Variants in MPG observed in about 807,000 individuals in gnomAD.
The protein encoded by MPG is DNA-3-methyladenine glycosylase.
A neutral mutation model predicts 31.7 loss-of-function variants in MPG; 33 were observed. The observed-to-expected ratio is 1.04, with a 90% confidence interval of 0.79 to 1.39. MPG has a LOEUF of 1.39. Ranked by LOEUF, MPG falls within the 40% of genes most tolerant of loss-of-function variation. The pLI is 0.00. For synonymous variants in MPG, 202 were observed against 169.2 expected (o/e 1.19, Z -1.51); for missense variants, 455 against 415.5 (o/e 1.10, Z -0.83).
chr16:79,272 T>A (rs1474125224), intron 1 of MPG, 153 bp from the exon 2 acceptor site: 2 of 1,564,082 alleles, frequency 1.3e-6, no homozygotes, highest in African/African-American at 2.7e-5. Context: ...AGGGTGTTTG[T>A]GCCTCATAAC....
chr16:84,292 C>T (rs558722557), intron 3 of MPG: 1 of 152,388 alleles, frequency 6.6e-6, no homozygotes, highest in African/African-American at 2.4e-5. Context: ...TGGATTTTAT[C>T]TTGAAATACT....
intron 3 of MPG, 162 bp downstream of exon 3, chr16:83,418 G>A (rs1341121931): frequency 1.4e-6 from 1 of 735,608 alleles, no homozygotes; most frequent in South Asian, 1.8e-5. Flanking sequence ...CGCTGACGGG[G>A]CAGGGCTGGT....
chr16:82,888 A>C (rs1237413037), intron 2 of MPG, among the ~76,000 whole-genome samples, 164 bp from the exon 3 acceptor site: 2 of 152,140 alleles, frequency 1.3e-5, no homozygotes, highest in African/African-American at 4.8e-5. Context: ...ATTCAGCCTC[A>C]GCAGGAGCAA....
chr16:83,614 T>A (rs2858049), intron 3 of MPG, among the ~76,000 whole-genome samples: 113,880 of 151,892 alleles, frequency 0.75, 44,516 homozygotes, highest in South Asian at 0.88. Context: ...GGTAGTGGGC[T>A]CCTGTAATCC....
rs776775132 is a variant in MPG, at chr16:85,706, C to T, written c.811C>T (p.Arg271Cys). The change falls in exon 4 of 4, where the codon CGC becomes TGC. Residue 271 changes from arginine to cysteine, a missense_variant. By Grantham distance (180) the Arg-to-Cys change is radical. Transcript: ENST00000356432. Reference protein sequence around the residue: ...HAGEWARKPLRFYVRGSPWVS... With the variant: ...HAGEWARKPLCFYVRGSPWVS... ...AGGGGAGTGGGCCCGGAAACCCCTC[C>T]GCTTCTATGTCCGGGGCAGCCCCTG... 12 of 1,539,552 alleles carry T rather than the reference C, an allele frequency of 7.8e-6. No individual in the cohort carries two copies. The highest frequency in any genetic ancestry group is 5.5e-5 in the African/African-American group (4 of 73,106).
intron 3 of MPG, among the ~76,000 whole-genome samples, 181 bp from the exon 4 acceptor site, chr16:85,220 G>A (rs1216568848): frequency 6.6e-6 from 1 of 152,234 alleles, no homozygotes; most frequent in Non-Finnish European, 1.5e-5. Flanking sequence ...TGGACACAGT[G>A]AGGTGCAGCC....
At chr16:79,771 G>A (rs895147189) in intron 2 of MPG, 71 bp downstream of exon 2, 94 of 1,478,068 alleles carry the variant, frequency 6.4e-5, no homozygotes, top group African/African-American at 8.4e-5. Flanking sequence ...ACCCCTGTCC[G>A]CTGCCTGCTG....
rs751461082 is a variant in MPG at position 83,325 on chromosome 16, A to G, written c.505+69A>G. 4.1e-6 allele frequency: 6 copies of G among 1,455,654 alleles called. No individual in the cohort carries two copies. In the Admixed American group the frequency reaches 5.3e-5, roughly 13 times the overall value. 90.2% of individuals were successfully genotyped at this position (1,455,654 alleles called of 1,614,324 possible). A position where few individuals can be genotyped will look rare whatever the true frequency, so the allele number is the denominator to read the frequency against. On this transcript the variant is annotated intron_variant, in intron 3 of 3. Transcript: ENST00000356432. Reference sequence around the variant, plus strand: ...CCTGTCCGCTAGCAGCCAGGGGACCACTAGGAGGACTGAGGTGGGGCCAGC... The same window carrying G: ...CCTGTCCGCTAGCAGCCAGGGGACCGCTAGGAGGACTGAGGTGGGGCCAGC...
chr16:78,207 C>T, upstream of MPG: 1 of 1,109,160 alleles, frequency 9.0e-7, no homozygotes, highest in Non-Finnish European at 1.2e-6. Context: ...CCCTTCTGCG[C>T]AGGCGCCGCT....
intron 2 of MPG, 65 bp downstream of exon 2, chr16:79,765 C>CT (rs1376286787): frequency 2.0e-6 from 3 of 1,492,786 alleles, no homozygotes; most frequent in African/African-American, 1.4e-5. Context: ...CCCTGAACCC[C>CT]TGTCCGCTGC....
At chr16:83,930 C>T (rs1455105535) in intron 3 of MPG, among the ~76,000 whole-genome samples, 1 of 151,902 alleles carries the variant, frequency 6.6e-6, no homozygotes, top group East Asian at 1.9e-4. Context: ...GTGGGCACAG[C>T]AGGGGGACTT....
Position 83,014 on chromosome 16 carries a change from A to G in MPG, c.301-38A>G, listed in dbSNP as rs748708071. The G allele has an allele frequency of 1.5e-5, 22 of 1,495,858 alleles. 1 individual carries two copies. In the South Asian group the frequency reaches 1.9e-4, roughly 13 times the overall value. 92.7% of individuals were successfully genotyped at this position (1,495,858 alleles called of 1,614,324 possible). On this transcript the variant is annotated intron_variant, in intron 2 of 3. Transcript: ENST00000356432. ...GCACTGTTAGGGTGAGTGGACCCCC[A>G]TCCCTTCCCGCCCTGAGCAGAAACT...
rs1898442194 is a variant in MPG at position 85,831 on chromosome 16, T to TTTTA, written c.*58_*61dup. 2.8e-6 allele frequency: 4 copies of TTTTA among 1,430,166 alleles called. No individual in the cohort carries two copies. In the East Asian group the frequency reaches 1.0e-4, roughly 36 times the overall value. 88.6% of individuals were successfully genotyped at this position (1,430,166 alleles called of 1,614,324 possible). A position where few individuals can be genotyped will look rare whatever the true frequency, so the allele number is the denominator to read the frequency against. On this transcript the variant is annotated 3_prime_UTR_variant, in exon 4 of 4. Transcript: ENST00000356432. The stretch of plus-strand genomic sequence containing the variant: ...TAATTGTTTAAAAACCGAATAAATG[T>TTTTA]TTTATTTCTAGAAAACTGTGCCTTA...
upstream of MPG, among the ~76,000 whole-genome samples, chr16:77,542 G>C (rs1023997738): frequency 1.3e-5 from 2 of 152,214 alleles, no homozygotes; most frequent in African/African-American, 4.8e-5. Context: ...TCTAGAGGAG[G>C]CTGCCTGCGC....
rs1276352089 is a variant in MPG at position 85,449 on chromosome 16, T to C, written c.554T>C (p.Leu185Pro). ...LLRALEPLEG[L>P]ETMRQLRSTL... Reference sequence around the variant, plus strand: ...CGAGCACTGGAGCCCCTGGAAGGTCTGGAGACCATGCGTCAGCTTCGCAGC... The same window carrying C: ...CGAGCACTGGAGCCCCTGGAAGGTCCGGAGACCATGCGTCAGCTTCGCAGC... Residue 185 changes from leucine to proline, a missense_variant, in exon 4 of 4, where the codon CTG (leucine) becomes CCG (proline). Transcript: ENST00000356432. 1.9e-6 allele frequency: 3 copies of C among 1,612,826 alleles called. No homozygotes were observed. The Admixed American group carries it at 5.0e-5, about 27-fold the overall frequency.
upstream of MPG, chr16:78,183 TC>T: frequency 1.2e-6 from 1 of 866,952 alleles, no homozygotes; most frequent in South Asian, 3.4e-5. Context: ...GCCCCCCTTC[TC>T]CCGGCTTCCG....
rs987937485 is a variant in MPG at position 78,241 on chromosome 16, C to A, written c.-69C>A. ...CTCCGCCCCGGTCCTAGGGGTGCTT[C>A]CGTGGTCGGCGGCTGCTGGGCTCCG... On this transcript the variant is annotated 5_prime_UTR_variant, in exon 1 of 4. Coordinates refer to ENST00000356432, the MANE Select transcript of MPG (RefSeq NM_001015052.3). 19 of 1,353,228 alleles carry A rather than the reference C, an allele frequency of 1.4e-5. No homozygotes were observed. The highest frequency in any genetic ancestry group is 6.2e-5 in the Admixed American group (2 of 32,290). The allele number at this position is 1,353,228 out of a possible 1,614,324, so 83.8% of individuals were successfully genotyped here.
In MPG at chr16:83,194, C is replaced by G. The variant is rs759049120; in HGVS notation, c.443C>G (p.Pro148Arg). The G allele has an allele frequency of 1.9e-6, 3 of 1,613,200 alleles. No homozygotes were observed. In the Admixed American group the frequency reaches 5.0e-5, roughly 27 times the overall value. Residue 148 changes from proline (P) to arginine (R), a missense_variant, in exon 3 of 4, where the codon CCG becomes CGG. Pro to Arg is a moderately radical substitution (Grantham distance 103). Transcript: ENST00000356432. ...TPRNRGMFMK[P>R]GTLYVYIIYG... is the part of the protein sequence containing the mutation. ...CGCAACCGAGGCATGTTCATGAAGCCGGGGACCCTGTACGTGTACATCATT... is the reference window on the plus strand; with the variant it reads ...CGCAACCGAGGCATGTTCATGAAGCGGGGGACCCTGTACGTGTACATCATT...
At chr16:78,557 C>A (rs921862464) in intron 1 of MPG, among the ~76,000 whole-genome samples, 1 of 152,222 alleles carries the variant, frequency 6.6e-6, no homozygotes, top group Non-Finnish European at 1.5e-5. Flanking sequence ...GCGGGCCGAG[C>A]TGCGGAGACG....
Sources: gnomAD v4.1 joint callset for allele counts (sites outside exome capture counted in the v4.1 genomes callset) on GRCh38, gnomAD v4.1.1 for gene constraint, MANE v1.5 for transcripts, NCBI Gene and HGNC (gene_info 2026-07-23, HGNC 2026-07-21) for gene names.